The following FAM13A variants were observed in gnomAD, a reference collection of about 807,000 sequenced individuals.
The protein encoded by FAM13A is protein FAM13A.
FAM13A carries 76 observed loss-of-function variants against 129.6 expected under a neutral mutation model. The observed-to-expected ratio is 0.59, with a 90% CI of 0.49 to 0.71. The LOEUF (loss-of-function observed/expected upper bound fraction) is 0.71, where lower values mean the gene tolerates loss of function less well. Ranked by LOEUF, FAM13A falls within the 30% of genes least tolerant of loss-of-function variation. The probability of loss-of-function intolerance (pLI) is 0.00; values close to 1 mark genes in which losing one functional copy is unlikely to be tolerated. For missense variants in FAM13A, 1,108 were observed against 1,249.3 expected (o/e 0.89, Z 1.70); for synonymous variants, 443 against 449.9 (o/e 0.98, Z 0.20).
intron 7 of FAM13A, among the ~76,000 whole-genome samples, chr4:88,809,136 T>C (rs974115829): frequency 1.3e-5 from 2 of 152,146 alleles, no homozygotes; most frequent in Non-Finnish European, 2.9e-5. Context: ...TCAGTTTAAT[T>C]ATACAGCAAG....
chr4:88,959,501 C>A (rs1190011784), intron 4 of FAM13A, among the ~76,000 whole-genome samples: 1 of 152,190 alleles, frequency 6.6e-6, no homozygotes, highest in African/African-American at 2.4e-5. Flanking sequence ...TTTGTTCCTG[C>A]CTTTGCAATG....
chr4:88,735,837 A>G (rs2602118), intron 21 of FAM13A, among the ~76,000 whole-genome samples: 9,501 of 152,264 alleles, frequency 0.062, 691 homozygotes, highest in African/African-American at 0.18. Flanking sequence ...GAGATAAACC[A>G]CAGCCAAAAT....
chr4:88,911,109 C>T (rs1456884266), intron 5 of FAM13A, among the ~76,000 whole-genome samples: 1 of 152,228 alleles, frequency 6.6e-6, no homozygotes, highest in Non-Finnish European at 1.5e-5. Context: ...AAATCCCCTT[C>T]CAAGCCCCTT....
chr4:88,857,084 C>T (rs1350035010), intron 6 of FAM13A, among the ~76,000 whole-genome samples: 1 of 152,044 alleles, frequency 6.6e-6, no homozygotes, highest in Non-Finnish European at 1.5e-5. Context: ...ATTAATGTTC[C>T]ATTTTTTTTT....
chr4:88,829,777 G>T (rs1245223958), intron 7 of FAM13A, among the ~76,000 whole-genome samples: 1 of 152,172 alleles, frequency 6.6e-6, no homozygotes, highest in Non-Finnish European at 1.5e-5. Flanking sequence ...AGTATTTATT[G>T]TGAATTTATG....
intron 4 of FAM13A, among the ~76,000 whole-genome samples, chr4:88,941,175 C>T (rs1359911721): frequency 1.3e-5 from 2 of 152,188 alleles, no homozygotes; most frequent in Non-Finnish European, 2.9e-5. Context: ...TGCTAAAATT[C>T]CACATCACCA....
At chr4:88,927,616 A>G (rs1752421273) in intron 5 of FAM13A, among the ~76,000 whole-genome samples, 1 of 150,910 alleles carries the variant, frequency 6.6e-6, no homozygotes, top group Non-Finnish European at 1.5e-5. Flanking sequence ...GAATTTATCT[A>G]TTTCCTCTAG....
At chr4:89,018,350 G>A (rs1273639795) in intron 3 of FAM13A, among the ~76,000 whole-genome samples, 3 of 152,196 alleles carry the variant, frequency 2.0e-5, no homozygotes, top group Non-Finnish European at 2.9e-5. Context: ...CAAAGAGAGA[G>A]GCCTCAGGAG....
At chr4:88,979,528 C>T (rs1431008082) in intron 4 of FAM13A, among the ~76,000 whole-genome samples, 3 of 152,166 alleles carry the variant, frequency 2.0e-5, no homozygotes, top group Admixed American at 1.3e-4. Context: ...ACTTTCTGTG[C>T]TGCAAGTTTC....
At chr4:88,988,936 T>G (rs1336164535) in intron 4 of FAM13A, among the ~76,000 whole-genome samples, 1 of 152,046 alleles carries the variant, frequency 6.6e-6, no homozygotes, top group African/African-American at 2.4e-5. Flanking sequence ...AAAAGCTACA[T>G]GAGGGTCGGG....
intron 5 of FAM13A, among the ~76,000 whole-genome samples, chr4:88,925,996 G>C (rs756584689): frequency 1.3e-4 from 20 of 152,256 alleles, no homozygotes; most frequent in Non-Finnish European, 2.2e-4. Context: ...CGAGGATTGA[G>C]AGCAAGTAGT....
In FAM13A at chr4:88,787,768, C is replaced by T. The variant is rs1251031323; in HGVS notation, c.1256G>A (p.Arg419Gln). The T allele has an allele frequency of 1.1e-5, 17 of 1,612,896 alleles. No individual in the cohort carries two copies. Among genetic ancestry groups the T allele is most frequent in the East Asian group, 4.5e-5 (2 of 44,868 alleles). The part of the protein sequence containing the change: ...RRQSKEQDEV[R>Q]HGRDKGLINK... ...GCCAACTCACTTGTCTCTCCCATGTCGAACTTCATCCTGCTCCTTGGACTG... is the reference window on the plus strand; with the variant it reads ...GCCAACTCACTTGTCTCTCCCATGTTGAACTTCATCCTGCTCCTTGGACTG... Residue 419 changes from arginine to glutamine, a missense_variant, in exon 10 of 24, where the codon CGA (arginine) becomes CAA (glutamine). Arg to Gln is a conservative substitution (Grantham distance 43). Around this residue, in one of 3 missense-constraint regions of FAM13A, gnomAD observed 566 missense variants for 595.7 expected, o/e 0.95. Coordinates refer to ENST00000264344, the MANE Select transcript of FAM13A (RefSeq NM_014883.4).
chr4:88,804,066 C>G (rs992809323), intron 8 of FAM13A, among the ~76,000 whole-genome samples: 1 of 151,438 alleles, frequency 6.6e-6, no homozygotes, highest in Non-Finnish European at 1.5e-5. Context: ...ACCAGCCTGG[C>G]CAAGATGGTG....
intron 8 of FAM13A, among the ~76,000 whole-genome samples, chr4:88,797,020 C>CA (rs560012348): frequency 6.6e-6 from 1 of 152,068 alleles, no homozygotes; most frequent in South Asian, 2.1e-4. Flanking sequence ...AACCTCTTGA[C>CA]ACCTGCTTCT....
At chr4:88,950,540 T>C (rs1170350550) in intron 4 of FAM13A, among the ~76,000 whole-genome samples, 1 of 152,226 alleles carries the variant, frequency 6.6e-6, no homozygotes, top group Non-Finnish European at 1.5e-5. Context: ...GAGTAACTCC[T>C]ATGTGTCTTA....
At chr4:88,874,389 C>A (rs1334363922) in intron 6 of FAM13A, among the ~76,000 whole-genome samples, 2 of 152,156 alleles carry the variant, frequency 1.3e-5, no homozygotes, top group Non-Finnish European at 2.9e-5. Flanking sequence ...ATTTAGAAAA[C>A]CCCATCGTCT....
intron 5 of FAM13A, among the ~76,000 whole-genome samples, chr4:88,912,972 C>G (rs1749328316): frequency 1.3e-5 from 2 of 148,636 alleles, no homozygotes; most frequent in Admixed American, 1.4e-4. Context: ...CAGAGCAAGA[C>G]AGAAGAAAGA....
At position 88,900,228 on chromosome 4, in the gene FAM13A, A is replaced by G. The variant is rs191134335; in HGVS notation, c.843+6151T>C. Among the ~76,000 whole-genome samples, 306 of 152,262 alleles carry G rather than the reference A, an allele frequency of 2.0e-3. 2 individuals are homozygous for G. Among genetic ancestry groups the G allele is most frequent in the African/African-American group, 6.8e-3 (283 of 41,582 alleles). Reference sequence around the variant, plus strand: ...ACATACTTCATATGCTGAAAAACATATATCATCCAGGAGAACTTCCCCAAC... The same window carrying G: ...ACATACTTCATATGCTGAAAAACATGTATCATCCAGGAGAACTTCCCCAAC... On this transcript the variant is annotated intron_variant, in intron 6 of 23. Coordinates refer to ENST00000264344, the MANE Select transcript of FAM13A (RefSeq NM_014883.4).
chr4:88,999,935 T>C (rs1483011207), intron 3 of FAM13A, among the ~76,000 whole-genome samples: 1 of 152,212 alleles, frequency 6.6e-6, no homozygotes, highest in Non-Finnish European at 1.5e-5. Context: ...TAATACAAGT[T>C]GTATACTTTT....
Sources: gnomAD v4.1 joint callset for allele counts (sites outside exome capture counted in the v4.1 genomes callset) on GRCh38, gnomAD v4.1.1 for gene constraint, gnomAD v4.1.1 regional missense constraint, MANE v1.5 for transcripts, NCBI Gene and HGNC (gene_info 2026-07-23, HGNC 2026-07-21) for gene names.